The following WNT3 variants were observed in gnomAD, a reference collection of about 807,000 sequenced individuals.
WNT3 encodes proto-oncogene Wnt-3.
A neutral mutation model predicts 34.2 loss-of-function variants in WNT3; 7 were observed. That is an observed-to-expected ratio of 0.20 (90% confidence interval 0.12 to 0.38). WNT3 has a LOEUF of 0.38. Among genes scored for constraint, WNT3 ranks in the 10% least tolerant of loss-of-function variants. The pLI is 1.00. For synonymous variants in WNT3, 212 were observed against 211.5 expected (o/e 1.00, Z -0.02); for missense variants, 267 against 499.8 (o/e 0.53, Z 4.44).
chr17:46,799,502 C>T (rs1427271978), intron 1 of WNT3, among the ~76,000 whole-genome samples: 1 of 145,584 alleles, frequency 6.9e-6, no homozygotes, highest in Non-Finnish European at 1.5e-5. Context: ...GGCTGGAGTG[C>T]AGTGGTGTCA....
At chr17:46,785,639 A>C (rs1292341227) in intron 1 of WNT3, among the ~76,000 whole-genome samples, 1 of 152,158 alleles carries the variant, frequency 6.6e-6, no homozygotes, top group Non-Finnish European at 1.5e-5. Context: ...CCTTCCGAGG[A>C]GGTGGCACAG....
intron 2 of WNT3, among the ~76,000 whole-genome samples, chr17:46,773,380 A>C (rs2059389879): frequency 6.6e-6 from 1 of 151,972 alleles, no homozygotes; most frequent in South Asian, 2.1e-4. Flanking sequence ...GGGAAATGTC[A>C]CAAATGTCCA....
At chr17:46,766,420 A>T (rs1266970876) in intron 4 of WNT3, among the ~76,000 whole-genome samples, 1 of 151,922 alleles carries the variant, frequency 6.6e-6, no homozygotes, top group African/African-American at 2.4e-5. Flanking sequence ...AAAAAAAAAA[A>T]AGTTCTGCTG....
At chr17:46,788,819 G>A (rs76489795) in intron 1 of WNT3, among the ~76,000 whole-genome samples, 28 of 152,156 alleles carry the variant, frequency 1.8e-4, no homozygotes, top group African/African-American at 4.6e-4. Flanking sequence ...CCTTTCCTTC[G>A]TCTCTCCCAG....
intron 1 of WNT3, 137 bp from the exon 2 acceptor site, chr17:46,774,046 T>A: frequency 7.8e-7 from 1 of 1,284,286 alleles, no homozygotes; most frequent in Non-Finnish European, 1.1e-6. Flanking sequence ...ATGTGCTACC[T>A]TTGACCTCGG....
chr17:46,816,475 G>GCGCA (rs1555689352), intron 1 of WNT3, among the ~76,000 whole-genome samples: 62 of 144,364 alleles, frequency 4.3e-4, no homozygotes, highest in East Asian at 1.7e-3. Flanking sequence ...CAGAACACAC[G>GCGCA]CACACACACA....
rs1014206823 is a variant in WNT3, at chr17:46,790,218, C to T, written c.81-16309G>A. On this transcript the variant is annotated intron_variant, in intron 1 of 4. Coordinates refer to ENST00000225512, the MANE Select transcript of WNT3 (RefSeq NM_030753.5). ...AGCTCTGTCCTCTCCTTGCAACAGG[C>T]GCCTGGGTTTGCAAACATGCACTCA... Among the ~76,000 whole-genome samples, 184 of 152,272 alleles carry T rather than the reference C, an allele frequency of 1.2e-3. 1 individual carries two copies. The highest frequency in any genetic ancestry group is 4.0e-3 in the African/African-American group (168 of 41,552).
intron 1 of WNT3, among the ~76,000 whole-genome samples, chr17:46,779,914 A>G (rs1598766355): frequency 6.6e-6 from 1 of 152,088 alleles, no homozygotes; most frequent in Non-Finnish European, 1.5e-5. Context: ...ATGCGTCACC[A>G]TGCCCAGCTA....
chr17:46,781,803 G>A (rs995546388), intron 1 of WNT3, among the ~76,000 whole-genome samples: 1 of 152,156 alleles, frequency 6.6e-6, no homozygotes, highest in African/African-American at 2.4e-5. Context: ...TGTGCAGGAC[G>A]AAATTCCAGA....
At chr17:46,802,935 AG>A (rs2084144580) in intron 1 of WNT3, among the ~76,000 whole-genome samples, 1 of 152,226 alleles carries the variant, frequency 6.6e-6, no homozygotes, top group Non-Finnish European at 1.5e-5. Flanking sequence ...AGGAAGTCAC[AG>A]GAACCCTGAT....
intron 1 of WNT3, among the ~76,000 whole-genome samples, chr17:46,779,515 G>A (rs199514): frequency 0.84 from 127,982 of 152,290 alleles, 54,085 homozygotes; most frequent in East Asian, 1. Context: ...CAGCTGGGCC[G>A]AGGACACACA....
At chr17:46,779,053 TCACACACACACACACACACACACA>T (rs56965619) in intron 1 of WNT3, among the ~76,000 whole-genome samples, 3 of 100,612 alleles carry the variant, frequency 3.0e-5, no homozygotes, top group Admixed American at 1.2e-4. Context: ...CCCTACCCCA[TCACACACACACACACACACACACA>T]CACACACACA....
chr17:46,777,170 G>A (rs190008071), intron 1 of WNT3, among the ~76,000 whole-genome samples: 209 of 152,218 alleles, frequency 1.4e-3, no homozygotes, highest in African/African-American at 4.8e-3. Context: ...AGATCATGCC[G>A]CTGCACTCCA....
chr17:46,789,798 A>G (rs998117426), intron 1 of WNT3, among the ~76,000 whole-genome samples: 1 of 152,224 alleles, frequency 6.6e-6, no homozygotes, highest in Non-Finnish European at 1.5e-5. Flanking sequence ...CCCTAAAGCC[A>G]GCAGTGGCAG....
At chr17:46,791,614 C>T (rs939771078) in intron 1 of WNT3, among the ~76,000 whole-genome samples, 4 of 152,240 alleles carry the variant, frequency 2.6e-5, no homozygotes, top group African/African-American at 7.2e-5. Flanking sequence ...GTCACTCCAC[C>T]AGGCCAGGCA....
chr17:46,775,780 A>AT (rs2059408008), intron 1 of WNT3, among the ~76,000 whole-genome samples: 1 of 151,392 alleles, frequency 6.6e-6, no homozygotes, highest in South Asian at 2.1e-4. Flanking sequence ...CGCCCGGCTA[A>AT]TTTTTTGTAT....
intron 3 of WNT3, among the ~76,000 whole-genome samples, chr17:46,769,356 A>G (rs991672103): frequency 2.0e-5 from 3 of 152,016 alleles, no homozygotes; most frequent in African/African-American, 4.8e-5. Context: ...AAAAAGAAAT[A>G]GGAGTTATCT....
intron 1 of WNT3, among the ~76,000 whole-genome samples, chr17:46,816,662 T>G (rs2084354231): frequency 6.6e-6 from 1 of 152,170 alleles, no homozygotes; most frequent in Admixed American, 6.5e-5. Flanking sequence ...CCTATCTAGA[T>G]GGTCCCCAAG....
At chr17:46,776,854 C>T (rs1181254980) in intron 1 of WNT3, among the ~76,000 whole-genome samples, 3 of 152,160 alleles carry the variant, frequency 2.0e-5, no homozygotes, top group African/African-American at 7.2e-5. Context: ...GAGAGGCACT[C>T]GGAGACCCTT....
Sources: gnomAD v4.1 joint callset for allele counts (sites outside exome capture counted in the v4.1 genomes callset) on GRCh38, gnomAD v4.1.1 for gene constraint, MANE v1.5 for transcripts, NCBI Gene and HGNC (gene_info 2026-07-23, HGNC 2026-07-21) for gene names.